The following TEAD1 variants were observed in gnomAD, a reference collection of about 807,000 sequenced individuals.
TEAD1 encodes the protein TEA domain transcription factor 1, also known as transcriptional enhancer factor TEF-1.
A neutral mutation model predicts 54.9 loss-of-function variants in TEAD1; 9 were observed. The observed-to-expected ratio is 0.16, with a 90% confidence interval of 0.10 to 0.29. TEAD1 has a LOEUF of 0.29. Among genes scored for constraint, TEAD1 ranks in the 10% least tolerant of loss-of-function variants. The pLI is 1.00. For synonymous variants in TEAD1, 200 were observed against 187.8 expected (o/e 1.07, Z -0.53); for missense variants, 387 against 535.9 (o/e 0.72, Z 2.74).
intron 3 of TEAD1, among the ~76,000 whole-genome samples, chr11:12,839,268 G>A (rs536103612): frequency 1.3e-5 from 2 of 152,204 alleles, no homozygotes; most frequent in South Asian, 2.1e-4. Flanking sequence ...AAAATTAGCC[G>A]GGTGTGGTAA....
At chr11:12,912,454 A>G (rs1777011133) in intron 10 of TEAD1, among the ~76,000 whole-genome samples, 2 of 151,916 alleles carry the variant, frequency 1.3e-5, no homozygotes, top group African/African-American at 4.8e-5. Flanking sequence ...AAGGGGAGTG[A>G]GAAGGAGTTT....
At chr11:12,805,953 C>T (rs933755960) in intron 3 of TEAD1, among the ~76,000 whole-genome samples, 11 of 152,004 alleles carry the variant, frequency 7.2e-5, no homozygotes, top group African/African-American at 1.7e-4. Flanking sequence ...ACTGGTTTAT[C>T]GGTGTTGGGG....
chr11:12,783,299 T>C (rs1026763513), intron 3 of TEAD1, among the ~76,000 whole-genome samples: 2 of 151,354 alleles, frequency 1.3e-5, no homozygotes, highest in African/African-American at 4.9e-5. Context: ...TGGGCCTGAA[T>C]GTTTGAGCCT....
intron 3 of TEAD1, among the ~76,000 whole-genome samples, chr11:12,831,488 T>G (rs561239616): frequency 4.6e-5 from 7 of 152,212 alleles, no homozygotes; most frequent in African/African-American, 1.7e-4. Flanking sequence ...AAGAAATTAT[T>G]GTTTGAAATG....
rs755074252 is a variant in TEAD1 at position 12,776,761 on chromosome 11, TTA to T, written c.202+12329_202+12330del. On this transcript the variant is annotated intron_variant, in intron 3 of 12. Transcript: ENST00000527636. ...TCTTCAAAGCCCATTTGGATATTTA[TTA>T]TTATTATTATTATTATTATTATTAT... 2.9e-3 allele frequency among the ~76,000 whole-genome samples: 94 copies of T among 32,576 alleles called. No homozygotes were observed. The South Asian group carries it at 0.031, about 11-fold the overall frequency. The allele number at this position is 32,576 out of a possible 152,430, so 21.4% of individuals were successfully genotyped here.
intron 9 of TEAD1, among the ~76,000 whole-genome samples, chr11:12,887,772 A>G (rs1948119837): frequency 6.6e-6 from 1 of 152,216 alleles, no homozygotes; most frequent in Non-Finnish European, 1.5e-5. Context: ...CTCAGCTGAT[A>G]CATTTTAACA....
intron 2 of TEAD1, among the ~76,000 whole-genome samples, chr11:12,740,234 T>G (rs1353008795): frequency 1.3e-5 from 2 of 152,194 alleles, no homozygotes; most frequent in Admixed American, 6.5e-5. Context: ...ATCTCTAAAA[T>G]AGGAATAACA....
At chr11:12,732,292 C>T (rs1345141496) in intron 2 of TEAD1, among the ~76,000 whole-genome samples, 1 of 152,210 alleles carries the variant, frequency 6.6e-6, no homozygotes, top group African/African-American at 2.4e-5. Context: ...CTATCTCTGT[C>T]TTCCTTACTG....
chr11:12,741,919 T>G (rs895997570), intron 2 of TEAD1, among the ~76,000 whole-genome samples: 1 of 152,198 alleles, frequency 6.6e-6, no homozygotes, highest in African/African-American at 2.4e-5. Context: ...AAAAATCATG[T>G]GGCTGTCTGT....
At chr11:12,897,999 T>C (rs1164334000) in intron 9 of TEAD1, among the ~76,000 whole-genome samples, 2 of 152,170 alleles carry the variant, frequency 1.3e-5, no homozygotes, top group African/African-American at 2.4e-5. Context: ...AGTCAGTTCA[T>C]CTCTAAGCTT....
At chr11:12,706,525 C>T (rs975802971) in intron 2 of TEAD1, among the ~76,000 whole-genome samples, 1 of 152,166 alleles carries the variant, frequency 6.6e-6, no homozygotes, top group Non-Finnish European at 1.5e-5. Context: ...GATAAATTAT[C>T]TGTTTTGTAT....
rs576331179 is a variant in TEAD1, at chr11:12,916,563, T to C, written c.874-8349T>C. ...TTATAGATTACAGGTGAATTTTATATGCATTATCTCCTCATATTACCACCG... is the reference window on the plus strand; with the variant it reads ...TTATAGATTACAGGTGAATTTTATACGCATTATCTCCTCATATTACCACCG... On this transcript the variant is annotated intron_variant, in intron 10 of 12. Coordinates refer to ENST00000527636, the MANE Select transcript of TEAD1 (RefSeq NM_021961.6). Among the ~76,000 whole-genome samples, 140 of 152,336 alleles carry C rather than the reference T, an allele frequency of 9.2e-4. 2 individuals carry two copies. In the Middle Eastern group the frequency reaches 0.024, roughly 26 times the overall value.
chr11:12,782,787 TGA>T (rs1217020689), intron 3 of TEAD1, among the ~76,000 whole-genome samples: 3 of 152,168 alleles, frequency 2.0e-5, no homozygotes, highest in East Asian at 3.8e-4. Flanking sequence ...AGGAAAATGC[TGA>T]GAGAGTAGAT....
intron 3 of TEAD1, among the ~76,000 whole-genome samples, chr11:12,780,242 ATTT>A (rs200775672): frequency 1.4e-5 from 2 of 140,440 alleles, no homozygotes; most frequent in Non-Finnish European, 3.1e-5. Flanking sequence ...TCAATTGTAA[ATTT>A]TTTTTTTTTT....
At chr11:12,837,358 G>A (rs1946914657) in intron 3 of TEAD1, among the ~76,000 whole-genome samples, 1 of 152,068 alleles carries the variant, frequency 6.6e-6, no homozygotes, top group South Asian at 2.1e-4. Context: ...GCCAGGCATC[G>A]GGTCCTCAGT....
At chr11:12,864,788 C>T in intron 4 of TEAD1, 50 bp from the exon 5 acceptor site, 3 of 1,613,726 alleles carry the variant, frequency 1.9e-6, no homozygotes, top group Non-Finnish European at 2.5e-6. Flanking sequence ...CTTTTCATCT[C>T]CATGGTTACA....
At chr11:12,895,011 C>T (rs1219438658) in intron 9 of TEAD1, among the ~76,000 whole-genome samples, 2 of 152,158 alleles carry the variant, frequency 1.3e-5, no homozygotes, top group African/African-American at 4.8e-5. Context: ...GCTATAATCA[C>T]TTGCCCTGGA....
chr11:12,693,465 C>T (rs191342306), intron 2 of TEAD1, among the ~76,000 whole-genome samples: 1 of 152,302 alleles, frequency 6.6e-6, no homozygotes, highest in East Asian at 1.9e-4. Context: ...CCCAGATGGG[C>T]CTGAATTAAA....
intron 3 of TEAD1, among the ~76,000 whole-genome samples, chr11:12,818,975 C>T (rs1371754): frequency 0.95 from 145,331 of 152,260 alleles, 69,764 homozygotes; most frequent in East Asian, 1. Flanking sequence ...AGCCTCAAAT[C>T]AGGACTCATA....
Sources: allele counts gnomAD v4.1 joint callset (sites outside exome capture counted in the v4.1 genomes callset), GRCh38; gene constraint gnomAD v4.1.1; transcripts MANE v1.5; gene names NCBI Gene and HGNC (gene_info 2026-07-23, HGNC 2026-07-21).